Variants in ARHGAP15 observed in about 807,000 individuals in gnomAD.
ARHGAP15 encodes Rho GTPase activating protein 15.
A neutral mutation model predicts 63.7 loss-of-function variants in ARHGAP15; 51 were observed. The observed-to-expected ratio is 0.80, with a 90% CI of 0.64 to 1.01. The LOEUF (loss-of-function observed/expected upper bound fraction) is 1.01. Ranked by LOEUF, ARHGAP15 falls within the 50% of genes least tolerant of loss-of-function variation. ARHGAP15 has a pLI of 0.00. For missense variants in ARHGAP15, 560 were observed against 564.6 expected, an observed-to-expected ratio of 0.99 and a Z score of 0.08; for synonymous variants, 191 against 193.8, an observed-to-expected ratio of 0.99 and a Z score of 0.12.
intron 6 of ARHGAP15, among the ~76,000 whole-genome samples, chr2:143,412,750 G>T (rs983152628): frequency 6.6e-6 from 1 of 151,908 alleles, no homozygotes; most frequent in African/African-American, 2.4e-5. Context: ...CAGCCATTAG[G>T]TTTAAATACA....
At chr2:143,260,124 A>G (rs1436796427) in intron 6 of ARHGAP15, among the ~76,000 whole-genome samples, 2 of 152,112 alleles carry the variant, frequency 1.3e-5, no homozygotes, top group Non-Finnish European at 2.9e-5. Context: ...AAATGGGAGG[A>G]TTGTTAATGA....
intron 11 of ARHGAP15, among the ~76,000 whole-genome samples, chr2:143,590,109 C>A (rs1697263292): frequency 6.6e-6 from 1 of 152,170 alleles, no homozygotes; most frequent in African/African-American, 2.4e-5. Context: ...CCTGAATGTC[C>A]ATACCCCAGC....
In ARHGAP15 at chr2:143,532,447, C is replaced by A. The variant is rs1235490673; in HGVS notation, c.925+13083C>A. On this transcript the variant is annotated intron_variant, in intron 10 of 13. Coordinates refer to ENST00000295095, the MANE Select transcript of ARHGAP15 (RefSeq NM_018460.4). ...TATGTCCATGTTTTCCATTCAAATTCTTTTCCCACCAGTAAGGTTTCTTTT... is the reference window on the plus strand; with the variant it reads ...TATGTCCATGTTTTCCATTCAAATTATTTTCCCACCAGTAAGGTTTCTTTT... Among the ~76,000 whole-genome samples, 5 of 152,156 alleles carry A rather than the reference C, an allele frequency of 3.3e-5. 1 individual carries two copies. Among genetic ancestry groups the A allele is most frequent in the Non-Finnish European group, 7.4e-5 (5 of 68,018 alleles).
rs35112145 is a variant in ARHGAP15, at chr2:143,261,505, A to ATTT, written c.474+10917_474+10919dup. ...AGGAACCCACCACCACACCCGGCTA[A>ATTT]TTTTTTTTTTTTTTAATATTTTTAG... On this transcript the variant is annotated intron_variant, in intron 6 of 13. Transcript: ENST00000295095. 9.1e-3 allele frequency among the ~76,000 whole-genome samples: 1,294 copies of ATTT among 142,014 alleles called. 24 individuals are homozygous for ATTT. The highest frequency in any genetic ancestry group is 0.032 in the African/African-American group (1,231 of 38,566). The allele number at this position is 142,014 out of a possible 152,430, so 93.2% of individuals were successfully genotyped here.
intron 11 of ARHGAP15, among the ~76,000 whole-genome samples, chr2:143,621,300 G>A (rs967531268): frequency 6.6e-6 from 1 of 152,140 alleles, no homozygotes; most frequent in Non-Finnish European, 1.5e-5. Context: ...TCATCACTGT[G>A]TAGAATCTAG....
rs71423268 is a variant in ARHGAP15 at position 143,439,401 on chromosome 2, C to T, written c.703+2359C>T. On this transcript the variant is annotated intron_variant, in intron 8 of 13. Coordinates refer to ENST00000295095, the MANE Select transcript of ARHGAP15 (RefSeq NM_018460.4). ...TTTCACCACTGCACTCCAGCCTGGG[C>T]GACAGAGCAAGACTCTGTCTCAAAA... Among the ~76,000 whole-genome samples, 200 of 89,060 alleles carry T rather than the reference C, an allele frequency of 2.2e-3. 1 individual carries two copies. Among genetic ancestry groups the T allele is most frequent in the African/African-American group, 8.0e-3 (193 of 23,998 alleles). The allele number at this position is 89,060 out of a possible 152,430, so 58.4% of individuals were successfully genotyped here.
intron 8 of ARHGAP15, among the ~76,000 whole-genome samples, chr2:143,455,902 A>T (rs1316722142): frequency 6.6e-6 from 1 of 152,080 alleles, no homozygotes; most frequent in Non-Finnish European, 1.5e-5. Context: ...GGAGGCTGAC[A>T]TTATTTCCTG....
At chr2:143,144,188 A>G (rs138552138) in intron 1 of ARHGAP15, among the ~76,000 whole-genome samples, 67 of 152,112 alleles carry the variant, frequency 4.4e-4, no homozygotes, top group African/African-American at 1.6e-3. Flanking sequence ...GATTAACTCT[A>G]TGTCTTTGAT....
chr2:143,755,971 A>C (rs933717999), intron 13 of ARHGAP15, among the ~76,000 whole-genome samples: 1 of 152,118 alleles, frequency 6.6e-6, no homozygotes, highest in African/African-American at 2.4e-5. Context: ...ATCTCAAAAA[A>C]AAAAACTCTA....
intron 8 of ARHGAP15, among the ~76,000 whole-genome samples, chr2:143,455,765 C>T (rs1362829504): frequency 1.3e-5 from 2 of 152,062 alleles, no homozygotes; most frequent in Non-Finnish European, 2.9e-5. Flanking sequence ...TCCAAACTCT[C>T]ATCTATGGAG....
At chr2:143,353,104 T>A (rs1343493123) in intron 6 of ARHGAP15, among the ~76,000 whole-genome samples, 3 of 151,946 alleles carry the variant, frequency 2.0e-5, no homozygotes, top group Non-Finnish European at 2.9e-5. Flanking sequence ...TAATACATTT[T>A]AAAAAAAATT....
intron 10 of ARHGAP15, among the ~76,000 whole-genome samples, chr2:143,548,367 T>C (rs916641482): frequency 3.3e-5 from 5 of 152,054 alleles, no homozygotes; most frequent in Non-Finnish European, 7.4e-5. Context: ...TATATACATA[T>C]ACATATATAT....
rs1049723199 is a variant in ARHGAP15 at position 143,187,148 on chromosome 2, AT to A, written c.166-14977del. On this transcript the variant is annotated intron_variant, in intron 2 of 13. Transcript: ENST00000295095. ...AACATAGAGTTAGATAATAGCATGAATTTTTTTTTCTGATATGGTGCGAAAG... is the reference window on the plus strand; with the variant it reads ...AACATAGAGTTAGATAATAGCATGAATTTTTTTTCTGATATGGTGCGAAAG... 4.0e-5 allele frequency among the ~76,000 whole-genome samples: 6 copies of A among 151,656 alleles called. No homozygotes were observed. In the South Asian group the frequency reaches 8.3e-4, roughly 21 times the overall value.
At chr2:143,433,550 T>C (rs796677269) in intron 6 of ARHGAP15, among the ~76,000 whole-genome samples, 31 of 152,238 alleles carry the variant, frequency 2.0e-4, no homozygotes, top group African/African-American at 7.5e-4. Context: ...ATTTTGCTTT[T>C]GGTTGTGTTA....
At chr2:143,720,398 C>T (rs1035129831) in intron 13 of ARHGAP15, among the ~76,000 whole-genome samples, 2 of 152,150 alleles carry the variant, frequency 1.3e-5, no homozygotes, top group African/African-American at 4.8e-5. Flanking sequence ...ACTTTAATGA[C>T]CACAAGTGGT....
chr2:143,313,932 G>A (rs1683567636), intron 6 of ARHGAP15, among the ~76,000 whole-genome samples: 1 of 148,950 alleles, frequency 6.7e-6, no homozygotes, highest in Non-Finnish European at 1.5e-5. Context: ...TATTCTGCGA[G>A]ACTTAAGGTG....
intron 2 of ARHGAP15, among the ~76,000 whole-genome samples, chr2:143,176,663 AT>A (rs1691021437): frequency 6.6e-6 from 1 of 152,206 alleles, no homozygotes; most frequent in Non-Finnish European, 1.5e-5. Context: ...AAAAAAGAGT[AT>A]TTGCTTTTAT....
intron 6 of ARHGAP15, among the ~76,000 whole-genome samples, chr2:143,396,198 T>G (rs147939684): frequency 1.6e-3 from 241 of 152,274 alleles, no homozygotes; most frequent in African/African-American, 5.8e-3. Context: ...TTTAGTTTTT[T>G]TTCTGAGTCT....
intron 6 of ARHGAP15, among the ~76,000 whole-genome samples, chr2:143,417,633 G>A (rs1052607097): frequency 3.9e-5 from 6 of 152,314 alleles, no homozygotes; most frequent in Admixed American, 3.9e-4. Flanking sequence ...GCAGGACTGA[G>A]CTTGTGAATG....
Sources: allele counts gnomAD v4.1 joint callset (sites outside exome capture counted in the v4.1 genomes callset), GRCh38; gene constraint gnomAD v4.1.1; transcripts MANE v1.5; gene names NCBI Gene and HGNC (gene_info 2026-07-23, HGNC 2026-07-21).